Variants in CACNA2D3 observed in about 807,000 individuals in gnomAD.
CACNA2D3 encodes calcium voltage-gated channel auxiliary subunit alpha2delta 3.
Under a neutral mutation model 160.6 loss-of-function variants are expected in CACNA2D3, and 60 were observed. The ratio of observed to expected loss-of-function variants is 0.37; its 90% CI spans 0.30 to 0.46. The LOEUF (loss-of-function observed/expected upper bound fraction) is 0.46, where lower values mean the gene tolerates loss of function less well. CACNA2D3 is among the 20% of genes least tolerant of loss of function. The probability of loss-of-function intolerance (pLI) is 1.00; values close to 1 mark genes in which losing one functional copy is unlikely to be tolerated. For synonymous variants in CACNA2D3, 558 were observed against 492.9 expected (o/e 1.13, Z -1.75); for missense variants, 1,205 against 1,365.0 (o/e 0.88, Z 1.85).
intron 35 of CACNA2D3, among the ~76,000 whole-genome samples, chr3:55,044,130 A>G (rs1228711415): frequency 6.6e-6 from 1 of 152,160 alleles, no homozygotes; most frequent in Non-Finnish European, 1.5e-5. Flanking sequence ...ACGCTTGTCT[A>G]GAAATATTTT....
rs199964144 is a variant in CACNA2D3 at position 54,984,592 on chromosome 3, T to G, written c.2557-16T>G. ...GAAGCTGTTTTTTTGTTTTTGTTTT[T>G]TTTTTAATTTTCTAGACTGTGAATT... On this transcript the variant is annotated splice_polypyrimidine_tract_variant and intron_variant, in intron 29 of 37. Coordinates refer to ENST00000474759, the MANE Select transcript of CACNA2D3 (RefSeq NM_018398.3). 1.5e-5 allele frequency: 22 copies of G among 1,485,926 alleles called. No homozygotes were observed. The highest frequency in any genetic ancestry group is 2.5e-5 in the South Asian group (2 of 79,574). The allele number at this position is 1,485,926 out of a possible 1,614,324, so 92.0% of individuals were successfully genotyped here. A position where few individuals can be genotyped will look rare whatever the true frequency, so the allele number is the denominator to read the frequency against.
chr3:54,487,039 A>G (rs1701026330), intron 4 of CACNA2D3, among the ~76,000 whole-genome samples: 2 of 152,188 alleles, frequency 1.3e-5, no homozygotes, highest in South Asian at 4.1e-4. Flanking sequence ...TCTAGAAAAT[A>G]AGTCTTGATG....
At chr3:54,640,661 T>C (rs1168903825) in intron 10 of CACNA2D3, among the ~76,000 whole-genome samples, 2 of 152,216 alleles carry the variant, frequency 1.3e-5, no homozygotes, top group Non-Finnish European at 2.9e-5. Flanking sequence ...TAAACTAATA[T>C]GTAAGTTTAC....
intron 11 of CACNA2D3, among the ~76,000 whole-genome samples, chr3:54,667,453 A>G (rs747792340): frequency 1.3e-5 from 2 of 152,174 alleles, no homozygotes; most frequent in South Asian, 4.1e-4. Flanking sequence ...TCTGCTTGCC[A>G]TGGTTAGATA....
chr3:54,474,816 G>A (rs1021436839), intron 4 of CACNA2D3, among the ~76,000 whole-genome samples: 9 of 152,086 alleles, frequency 5.9e-5, no homozygotes, highest in African/African-American at 9.6e-5. Flanking sequence ...TTGAGTTCTC[G>A]GATATACACT....
intron 33 of CACNA2D3, among the ~76,000 whole-genome samples, chr3:55,008,885 C>CCACACACGCACACACACACA (rs1559462256): frequency 1.8e-5 from 1 of 55,130 alleles, no homozygotes; most frequent in African/African-American, 7.2e-5. Context: ...CCACCTCCCT[C>CCACACACGCACACACACACA]TATACACACA....
chr3:55,016,667 T>G (rs982128947), intron 34 of CACNA2D3, among the ~76,000 whole-genome samples: 2 of 152,236 alleles, frequency 1.3e-5, no homozygotes, highest in Non-Finnish European at 2.9e-5. Flanking sequence ...GTGAGGTTAC[T>G]ATAGACATTT....
chr3:54,305,605 A>C (rs1241744283), intron 2 of CACNA2D3, among the ~76,000 whole-genome samples: 1 of 152,266 alleles, frequency 6.6e-6, no homozygotes, highest in Non-Finnish European at 1.5e-5. Flanking sequence ...GCATTTGCCC[A>C]TAGGCATTGC....
At chr3:54,714,104 G>A (rs1701006235) in intron 11 of CACNA2D3, among the ~76,000 whole-genome samples, 1 of 152,062 alleles carries the variant, frequency 6.6e-6, no homozygotes, top group Admixed American at 6.6e-5. Flanking sequence ...GACTCCACAG[G>A]AGTTATATCT....
chr3:54,531,652 T>G (rs766035961), intron 5 of CACNA2D3, among the ~76,000 whole-genome samples: 4 of 152,316 alleles, frequency 2.6e-5, no homozygotes, highest in Non-Finnish European at 5.9e-5. Context: ...AAGTTAATTG[T>G]GTTTCTGTGA....
At chr3:54,781,853 T>G (rs923255342) in intron 13 of CACNA2D3, among the ~76,000 whole-genome samples, 1 of 152,202 alleles carries the variant, frequency 6.6e-6, no homozygotes, top group Non-Finnish European at 1.5e-5. Flanking sequence ...AATGCATTAT[T>G]TGCAAGAGTC....
intron 3 of CACNA2D3, among the ~76,000 whole-genome samples, chr3:54,370,856 G>C (rs1698915240): frequency 7.2e-6 from 1 of 138,840 alleles, no homozygotes; most frequent in South Asian, 2.2e-4. Context: ...AAAAAAAACA[G>C]TACACTTTAA....
chr3:55,036,570 C>A (rs951414038), intron 35 of CACNA2D3, among the ~76,000 whole-genome samples: 1 of 151,940 alleles, frequency 6.6e-6, no homozygotes, highest in Non-Finnish European at 1.5e-5. Context: ...TGGGTTCAAG[C>A]GATTCTCCTG....
At position 54,317,204 on chromosome 3, in the gene CACNA2D3, A is replaced by G. The variant is rs542847887; in HGVS notation, c.205-3238A>G. On this transcript the variant is annotated intron_variant, in intron 2 of 37. Coordinates refer to ENST00000474759, the MANE Select transcript of CACNA2D3 (RefSeq NM_018398.3). ...CTTAGGAATAGTCTCAGTGATGGTC[A>G]TTGAAGTTTTATTCACATACCAGAG... Among the ~76,000 whole-genome samples the G allele has an allele frequency of 3.9e-5, 6 of 152,306 alleles. No homozygotes were observed. In the South Asian group the frequency reaches 1.2e-3, roughly 32 times the overall value.
At chr3:54,925,226 CAGAAAG>C (rs1700981264) in intron 27 of CACNA2D3, 1 of 1,601,076 alleles carries the variant, frequency 6.2e-7, no homozygotes, top group Non-Finnish European at 8.5e-7. Context: ...CTACAACAAA[CAGAAAG>C]AAATTGGGAT....
chr3:54,427,016 C>T (rs998718693), intron 4 of CACNA2D3, among the ~76,000 whole-genome samples: 7 of 151,962 alleles, frequency 4.6e-5, no homozygotes, highest in Non-Finnish European at 7.4e-5. Context: ...CCTTCTTTCT[C>T]CCTCCCTTCC....
chr3:54,879,176 A>G, intron 19 of CACNA2D3, 87 bp downstream of exon 19: 2 of 958,050 alleles, frequency 2.1e-6, no homozygotes, highest in Non-Finnish European at 3.1e-6. Context: ...TGGAATAAAT[A>G]TCTTTCGCTG....
intron 4 of CACNA2D3, among the ~76,000 whole-genome samples, chr3:54,475,320 T>TG (rs1201169548): frequency 6.6e-6 from 1 of 152,194 alleles, no homozygotes; most frequent in African/African-American, 2.4e-5. Flanking sequence ...GCTTTGCCAG[T>TG]GATCTGCTTG....
chr3:54,143,527 G>T (rs550599888), intron 2 of CACNA2D3, among the ~76,000 whole-genome samples: 226 of 152,072 alleles, frequency 1.5e-3, no homozygotes, highest in African/African-American at 5.1e-3. Context: ...TGAGATGGAG[G>T]CTTGCTCTGT....
Sources: allele counts gnomAD v4.1 joint callset (sites outside exome capture counted in the v4.1 genomes callset), GRCh38; gene constraint gnomAD v4.1.1; transcripts MANE v1.5; gene names NCBI Gene and HGNC (gene_info 2026-07-23, HGNC 2026-07-21).